ARHGAP26: variants seen among roughly 807,000 people sequenced by gnomAD.
ARHGAP26 encodes Rho GTPase activating protein 26, also known as rho GTPase-activating protein 26.
Under a neutral mutation model 104.8 loss-of-function variants are expected in ARHGAP26, and 38 were observed. The observed-to-expected ratio is 0.36, with a 90% CI of 0.28 to 0.48. The LOEUF (loss-of-function observed/expected upper bound fraction) is 0.48, where lower values mean the gene tolerates loss of function less well. Ranked by LOEUF, ARHGAP26 falls within the 20% of genes least tolerant of loss-of-function variation. The probability of loss-of-function intolerance (pLI) is 0.99; values close to 1 mark genes in which losing one functional copy is unlikely to be tolerated. For synonymous variants in ARHGAP26, 341 were observed against 340.0 expected (o/e 1.00, Z -0.03); for missense variants, 704 against 947.9 (o/e 0.74, Z 3.38).
rs1048101502 is a variant in ARHGAP26, at chr5:142,979,830, G to A, written c.1108-34250G>A. On this transcript the variant is annotated intron_variant, in intron 11 of 22. Coordinates refer to ENST00000645722, the MANE Select transcript of ARHGAP26 (RefSeq NM_001135608.3). ...TTGTGGGCGTGCCAGAGGGGAGGGC[G>A]GAGTATGGGAGGTGGGCAGACAGCA... 3.3e-5 allele frequency among the ~76,000 whole-genome samples: 5 copies of A among 152,332 alleles called. 1 individual carries two copies. In the East Asian group the frequency reaches 7.7e-4, roughly 23 times the overall value.
intron 20 of ARHGAP26, among the ~76,000 whole-genome samples, chr5:143,150,022 A>G (rs1009279398): frequency 9.2e-5 from 14 of 152,194 alleles, no homozygotes; most frequent in African/African-American, 3.4e-4. Context: ...TTCTCCAAGG[A>G]CATCAGGGCC....
chr5:142,872,825 G>C (rs555775266), intron 1 of ARHGAP26, among the ~76,000 whole-genome samples: 85 of 152,344 alleles, frequency 5.6e-4, no homozygotes, highest in Non-Finnish European at 9.7e-4. Context: ...CATGAGGAGA[G>C]TGGAGAGGGT....
At chr5:143,110,315 T>G (rs1406207705) in intron 17 of ARHGAP26, among the ~76,000 whole-genome samples, 1 of 152,222 alleles carries the variant, frequency 6.6e-6, no homozygotes, top group African/African-American at 2.4e-5. Flanking sequence ...CTCCAGCACT[T>G]AAAGCAGTCC....
chr5:143,184,525 A>G (rs544326293), intron 20 of ARHGAP26, among the ~76,000 whole-genome samples: 2 of 152,152 alleles, frequency 1.3e-5, no homozygotes, highest in Non-Finnish European at 2.9e-5. Flanking sequence ...TTCCCTTGCT[A>G]TAATTCAGTG....
chr5:143,215,898 A>T (rs1009579949), intron 22 of ARHGAP26, among the ~76,000 whole-genome samples: 5 of 152,180 alleles, frequency 3.3e-5, no homozygotes, highest in African/African-American at 1.2e-4. Flanking sequence ...TGGCTGCTTG[A>T]ATAATGCTGC....
chr5:143,055,450 G>T (rs1785662383), intron 15 of ARHGAP26, among the ~76,000 whole-genome samples: 1 of 152,188 alleles, frequency 6.6e-6, no homozygotes, highest in Non-Finnish European at 1.5e-5. Context: ...GTCCTATTGA[G>T]AAGTTTCTTA....
intron 11 of ARHGAP26, among the ~76,000 whole-genome samples, chr5:142,977,944 C>T (rs1773361328): frequency 2.0e-5 from 3 of 152,234 alleles, no homozygotes; most frequent in African/African-American, 7.2e-5. Context: ...TGAGAGGTTT[C>T]ATCAGCCCAT....
chr5:143,002,063 A>G (rs930441718), intron 11 of ARHGAP26, among the ~76,000 whole-genome samples: 4 of 152,206 alleles, frequency 2.6e-5, no homozygotes, highest in African/African-American at 7.2e-5. Context: ...GAAGGCGATC[A>G]TGAACGTGCT....
chr5:143,164,308 A>G (rs1489949926), intron 20 of ARHGAP26, among the ~76,000 whole-genome samples: 1 of 152,202 alleles, frequency 6.6e-6, no homozygotes, highest in Non-Finnish European at 1.5e-5. Flanking sequence ...GGGAAGTTTT[A>G]CTATCAAATT....
At chr5:142,995,997 A>G (rs1776323612) in intron 11 of ARHGAP26, among the ~76,000 whole-genome samples, 1 of 152,084 alleles carries the variant, frequency 6.6e-6, no homozygotes, top group African/African-American at 2.4e-5. Context: ...AACAATGAGA[A>G]CACATGGGCA....
chr5:142,963,549 A>G (rs991058147), intron 11 of ARHGAP26, among the ~76,000 whole-genome samples: 1 of 152,114 alleles, frequency 6.6e-6, no homozygotes, highest in Non-Finnish European at 1.5e-5. Flanking sequence ...GGAAGGCTTA[A>G]CTCTTAATAT....
intron 20 of ARHGAP26, among the ~76,000 whole-genome samples, chr5:143,205,196 C>G (rs1808375689): frequency 6.6e-6 from 1 of 152,104 alleles, no homozygotes; most frequent in Non-Finnish European, 1.5e-5. Context: ...TCTTACATTA[C>G]TGTTGTTTTT....
chr5:143,033,554 A>G (rs1782185963), intron 12 of ARHGAP26, among the ~76,000 whole-genome samples: 1 of 152,172 alleles, frequency 6.6e-6, no homozygotes, highest in Non-Finnish European at 1.5e-5. Context: ...CTTTACATGC[A>G]TGTATCTTCT....
intron 17 of ARHGAP26, among the ~76,000 whole-genome samples, chr5:143,101,680 T>C (rs920757844): frequency 2.0e-5 from 3 of 152,050 alleles, no homozygotes; most frequent in Admixed American, 6.5e-5. Flanking sequence ...ACACACACTG[T>C]TGCCTTGAAC....
chr5:142,789,754 C>G (rs1217035073), intron 1 of ARHGAP26, among the ~76,000 whole-genome samples: 1 of 152,182 alleles, frequency 6.6e-6, no homozygotes, highest in Non-Finnish European at 1.5e-5. Flanking sequence ...GACTCGAACA[C>G]TTGGGCGGTT....
At chr5:142,784,031 A>G (rs974513501) in intron 1 of ARHGAP26, among the ~76,000 whole-genome samples, 2 of 152,196 alleles carry the variant, frequency 1.3e-5, no homozygotes, top group Non-Finnish European at 2.9e-5. Flanking sequence ...TTCGGCATCC[A>G]GATGCTCCTG....
chr5:142,868,520 G>C (rs946681773), intron 1 of ARHGAP26, among the ~76,000 whole-genome samples: 2 of 152,220 alleles, frequency 1.3e-5, no homozygotes, highest in Admixed American at 6.5e-5. Context: ...GTTTTGTTTA[G>C]GGGTTGCTGA....
chr5:143,120,199 G>A (rs1355729047), intron 17 of ARHGAP26, among the ~76,000 whole-genome samples: 2 of 152,212 alleles, frequency 1.3e-5, no homozygotes, highest in Admixed American at 6.5e-5. Flanking sequence ...GTGAACAATC[G>A]AGTTTTATAG....
intron 1 of ARHGAP26, among the ~76,000 whole-genome samples, chr5:142,802,107 AT>A (rs1561865101): frequency 2.0e-5 from 3 of 152,240 alleles, no homozygotes; most frequent in Admixed American, 6.5e-5. Flanking sequence ...TGAATGAGGT[AT>A]TTGTTTACAA....
Sources: allele counts gnomAD v4.1 joint callset (sites outside exome capture counted in the v4.1 genomes callset), GRCh38; gene constraint gnomAD v4.1.1; transcripts MANE v1.5; gene names NCBI Gene and HGNC (gene_info 2026-07-23, HGNC 2026-07-21).